Variants in CACNA1C observed in about 807,000 individuals in gnomAD.
CACNA1C encodes voltage-dependent L-type calcium channel subunit alpha-1C.
Under a neutral mutation model 229.0 loss-of-function variants are expected in CACNA1C, and 30 were observed. The ratio of observed to expected loss-of-function variants is 0.13; its 90% CI spans 0.10 to 0.18. The LOEUF (loss-of-function observed/expected upper bound fraction) is 0.18. CACNA1C is among the 10% of genes least tolerant of loss of function. The probability of loss-of-function intolerance (pLI) is 1.00; values close to 1 mark genes in which losing one functional copy is unlikely to be tolerated. For missense variants in CACNA1C, 1,658 were observed against 2,845.0 expected, an observed-to-expected ratio of 0.58 and a Z score of 9.49; for synonymous variants, 1,114 against 1,132.5, an observed-to-expected ratio of 0.98 and a Z score of 0.33.
At chr12:2,284,258 CG>C (rs943357094) in intron 3 of CACNA1C, among the ~76,000 whole-genome samples, 21 of 149,354 alleles carry the variant, frequency 1.4e-4, no homozygotes, top group African/African-American at 4.7e-4. Context: ...ATTTTACCCA[CG>C]GAAAAAGCTG....
chr12:2,512,687 T>C lies in CACNA1C; in HGVS notation c.1218-125T>C, dbSNP rs2099787423. 1 of 721,910 alleles carries C rather than the reference T, an allele frequency of 1.4e-6. No individual in the cohort carries two copies. Among genetic ancestry groups the C allele is most frequent in the Non-Finnish European group, 2.2e-6 (1 of 450,570 alleles). The allele number at this position is 721,910 out of a possible 1,614,324, so 44.7% of individuals were successfully genotyped here. A position where few individuals can be genotyped will look rare whatever the true frequency, so the allele number is the denominator to read the frequency against. On this transcript the variant is annotated intron_variant, in intron 8 of 46. Coordinates refer to ENST00000399655, the MANE Select transcript of CACNA1C (RefSeq NM_000719.7). This position sits in a 1 kb window ranked among gnomAD's most constrained non-coding sequence, Gnocchi z 4.3. ...AAGTAGGGGCGTGTGGGCAGGTTTC[T>C]CCCTGCAAAGCAATTAAGACTCTTG...
At chr12:2,613,099 G>C (rs560034540) in intron 29 of CACNA1C, 1 of 152,330 alleles carries the variant, frequency 6.6e-6, no homozygotes, top group African/African-American at 2.4e-5. Context: ...GATTAATTGG[G>C]GGTGGGGGAG....
At chr12:2,297,047 A>C (rs1220660537) in intron 3 of CACNA1C, among the ~76,000 whole-genome samples, 3 of 152,134 alleles carry the variant, frequency 2.0e-5, no homozygotes, top group Non-Finnish European at 4.4e-5. Context: ...ACCCTCTCTT[A>C]GTTTGTGGGA....
chr12:2,686,700 T>TA (rs1366798314), intron 45 of CACNA1C, among the ~76,000 whole-genome samples: 2 of 152,202 alleles, frequency 1.3e-5, no homozygotes, highest in African/African-American at 4.8e-5. Context: ...AAGAAGTGAT[T>TA]AAAGAACCCA....
chr12:2,462,512 G>T (rs562961126), intron 5 of CACNA1C, among the ~76,000 whole-genome samples: 3 of 152,326 alleles, frequency 2.0e-5, no homozygotes, highest in Non-Finnish European at 2.9e-5. Flanking sequence ...TCATGAGAAT[G>T]TAACCTACGT....
chr12:2,126,261 A>G (rs1297775801), intron 3 of CACNA1C, among the ~76,000 whole-genome samples: 1 of 152,226 alleles, frequency 6.6e-6, no homozygotes, highest in Non-Finnish European at 1.5e-5. Context: ...ATGAAAGCTG[A>G]ACTGGGCCAT....
rs1293839031 is a variant in CACNA1C at position 2,694,817 on chromosome 12, A to G, written c.*3618A>G. The G allele has an allele frequency of 3.3e-5, 5 of 152,210 alleles. No homozygotes were observed. Among genetic ancestry groups the G allele is most frequent in the African/African-American group, 9.6e-5 (4 of 41,454 alleles). 9.4% of individuals were successfully genotyped at this position (152,210 alleles called of 1,614,324 possible). On this transcript the variant is annotated 3_prime_UTR_variant, in exon 47 of 47. Coordinates refer to ENST00000399655, the MANE Select transcript of CACNA1C (RefSeq NM_000719.7). ...GAGGACTTTGGAAGTCACCCAAAAG[A>G]TGGTGGCTACTTTATGGAGTCCTGA...
chr12:2,638,341 G>C (rs983375231), intron 30 of CACNA1C, among the ~76,000 whole-genome samples: 34 of 152,228 alleles, frequency 2.2e-4, no homozygotes, highest in African/African-American at 8.2e-4. Context: ...GATTCTCCAT[G>C]TGGAGATCGG....
intron 13 of CACNA1C, among the ~76,000 whole-genome samples, chr12:2,577,163 G>C (rs2154594349): frequency 6.6e-6 from 1 of 152,310 alleles, no homozygotes; most frequent in South Asian, 2.1e-4. Context: ...GTAGGCTGAA[G>C]ACAAACAGCA....
chr12:2,224,299 A>G (rs2062283916), intron 3 of CACNA1C, among the ~76,000 whole-genome samples: 1 of 152,238 alleles, frequency 6.6e-6, no homozygotes. Flanking sequence ...TCTCCTCTCC[A>G]CCGTCTCCGA....
chr12:2,029,997 A>G lies in CACNA1C; in HGVS notation c.139+58796A>G, dbSNP rs1008635018. 3.9e-5 allele frequency among the ~76,000 whole-genome samples: 6 copies of G among 152,214 alleles called. No individual in the cohort carries two copies. The highest frequency in any genetic ancestry group is 1.4e-4 in the African/African-American group (6 of 41,452). ...GAGCCCACATGGCAGTGGAGAGGCT[A>G]TCTCTTATCAGCACCTTTGCTGTCA... On this transcript the variant is annotated intron_variant, in intron 1 of 46. Coordinates refer to the CACNA1C transcript ENST00000682462. The surrounding 1 kb of genome is among the most constrained non-coding windows in gnomAD (Gnocchi z 4.9).
At chr12:2,192,455 T>C (rs2154300152) in intron 3 of CACNA1C, among the ~76,000 whole-genome samples, 1 of 152,316 alleles carries the variant, frequency 6.6e-6, no homozygotes, top group African/African-American at 2.4e-5. Context: ...CCGGGCCGGC[T>C]CACGTGGGAT....
chr12:2,541,576 G>A (rs547216485), intron 9 of CACNA1C, among the ~76,000 whole-genome samples: 6 of 152,228 alleles, frequency 3.9e-5, no homozygotes, highest in African/African-American at 1.4e-4. Flanking sequence ...CAGTGCTCCC[G>A]ATACCCCCAG....
rs786205767 is a variant in CACNA1C at position 2,115,416 on chromosome 12, G to A, written c.242G>A (p.Arg81Gln). ...ATISTVSSTQ[R>Q]KRQQYGKPKK... ...ATCTCCACAGTCAGCTCCACGCAGC[G>A]GAAGCGGCAGCAATATGGGAAACCC... The change falls in exon 2 of 47, where the codon CGG becomes CAG. Residue 81 changes from arginine (R) to glutamine (Q), a missense_variant. This residue lies in a region of CACNA1C where 111 missense variants were observed against 128.0 expected (regional missense o/e 0.87). Transcript: ENST00000399655. 3.7e-6 allele frequency: 6 copies of A among 1,612,544 alleles called. No individual in the cohort carries two copies. The highest frequency in any genetic ancestry group is 1.1e-5 in the South Asian group (1 of 91,010).
intron 3 of CACNA1C, among the ~76,000 whole-genome samples, chr12:2,228,940 G>A (rs1276519277): frequency 5.9e-5 from 9 of 152,182 alleles, no homozygotes; most frequent in African/African-American, 2.2e-4. Context: ...AATATTATGT[G>A]TGTGTGTGTG....
intron 3 of CACNA1C, among the ~76,000 whole-genome samples, chr12:2,431,292 G>A (rs1232023703): frequency 6.6e-6 from 1 of 152,154 alleles, no homozygotes; most frequent in Admixed American, 6.5e-5. Context: ...CGAAGTTTGG[G>A]ATCCACTCAT....
intron 3 of CACNA1C, among the ~76,000 whole-genome samples, chr12:2,362,484 T>G (rs891526738): frequency 3.3e-5 from 5 of 152,186 alleles, no homozygotes; most frequent in African/African-American, 1.2e-4. Context: ...CCACCCAACC[T>G]AGTCTAGCTA....
chr12:2,101,005 A>G (rs2076202417), intron 1 of CACNA1C, among the ~76,000 whole-genome samples: 1 of 151,450 alleles, frequency 6.6e-6, no homozygotes. Flanking sequence ...CCATCTCAAA[A>G]AAAAAAAAAA....
At chr12:2,645,418 G>T (rs2094230033) in intron 30 of CACNA1C, among the ~76,000 whole-genome samples, 1 of 152,214 alleles carries the variant, frequency 6.6e-6, no homozygotes, top group African/African-American at 2.4e-5. Flanking sequence ...TCCAAAGGTA[G>T]AACTGATGCT....
Sources: gnomAD v4.1 joint callset for allele counts (sites outside exome capture counted in the v4.1 genomes callset) on GRCh38, gnomAD v4.1.1 for gene constraint, gnomAD v4.1.1 regional missense constraint, Gnocchi (gnomAD v3.1) non-coding constraint, MANE v1.5 for transcripts, NCBI Gene and HGNC (gene_info 2026-07-23, HGNC 2026-07-21) for gene names.